Variants in KDM5B observed in about 807,000 individuals in gnomAD.
KDM5B encodes the protein lysine-specific demethylase 5B.
A neutral mutation model predicts 193.4 loss-of-function variants in KDM5B; 144 were observed. The observed-to-expected ratio is 0.74, with a 90% CI of 0.65 to 0.86. The LOEUF (loss-of-function observed/expected upper bound fraction) is 0.86, where lower values mean the gene tolerates loss of function less well. Ranked by LOEUF, KDM5B falls within the 40% of genes least tolerant of loss-of-function variation. The pLI is 0.00. For missense variants in KDM5B, 1,833 were observed against 1,886.9 expected, an observed-to-expected ratio of 0.97 and a Z score of 0.53; for synonymous variants, 668 against 682.6, an observed-to-expected ratio of 0.98 and a Z score of 0.33.
chr1:202,736,646 T>G (rs1156296670), intron 20 of KDM5B, among the ~76,000 whole-genome samples: 4 of 151,772 alleles, frequency 2.6e-5, no homozygotes, highest in Admixed American at 6.6e-5. Flanking sequence ...TAGTGTTGTT[T>G]TTTTTTTCTT....
At chr1:202,781,366 C>T (rs183774218) in intron 1 of KDM5B, among the ~76,000 whole-genome samples, 12 of 152,154 alleles carry the variant, frequency 7.9e-5, no homozygotes, top group African/African-American at 2.4e-4. Flanking sequence ...TAAAAATGCC[C>T]GCCGGTGATG....
At chr1:202,734,895 C>A (rs1655038400) in intron 22 of KDM5B, among the ~76,000 whole-genome samples, 1 of 152,164 alleles carries the variant, frequency 6.6e-6, no homozygotes, top group African/African-American at 2.4e-5. Context: ...ATGCTTTGTG[C>A]CATTAAAAGC....
chr1:202,803,385 G>A (rs912815331), intron 1 of KDM5B, among the ~76,000 whole-genome samples: 3 of 152,086 alleles, frequency 2.0e-5, no homozygotes, highest in Non-Finnish European at 4.4e-5. Flanking sequence ...AAGTCTACAC[G>A]TTTTGTTTAT....
intron 14 of KDM5B, among the ~76,000 whole-genome samples, chr1:202,747,109 T>G (rs1486793700): frequency 4.6e-5 from 7 of 152,202 alleles, no homozygotes; most frequent in Admixed American, 2.0e-4. Flanking sequence ...CTACTGGGCT[T>G]CTTTCTTTTA....
chr1:202,737,252 C>G (rs1319123101), intron 20 of KDM5B, among the ~76,000 whole-genome samples: 1 of 152,156 alleles, frequency 6.6e-6, no homozygotes, highest in Non-Finnish European at 1.5e-5. Context: ...CTAACTTTAC[C>G]ATGTATAAGA....
At chr1:202,773,395 A>T in intron 3 of KDM5B, 107 bp from the exon 4 acceptor site, 1 of 876,804 alleles carries the variant, frequency 1.1e-6, no homozygotes, top group Non-Finnish European at 1.8e-6. Flanking sequence ...TCTTTTAAAA[A>T]CATGTTTTGC....
intron 6 of KDM5B, 140 bp from the exon 7 acceptor site, chr1:202,762,948 T>C: frequency 1.7e-6 from 1 of 599,702 alleles, no homozygotes; most frequent in Non-Finnish European, 3.0e-6. Flanking sequence ...CCCAGTATAC[T>C]TTATTCAAGG....
At chr1:202,765,046 G>A (rs1163267060) in intron 5 of KDM5B, among the ~76,000 whole-genome samples, 1 of 152,126 alleles carries the variant, frequency 6.6e-6, no homozygotes, top group African/African-American at 2.4e-5. Context: ...GAAGGTTCTT[G>A]GTTCTTATCT....
At chr1:202,732,002 CA>C in intron 23 of KDM5B, 63 bp from the exon 24 acceptor site, 1 of 911,146 alleles carries the variant, frequency 1.1e-6, no homozygotes, top group South Asian at 1.4e-5. Context: ...CCCATTAGTC[CA>C]ATGACAGTAG....
intron 1 of KDM5B, among the ~76,000 whole-genome samples, chr1:202,790,205 G>A (rs1418604940): frequency 2.6e-5 from 4 of 151,716 alleles, no homozygotes; most frequent in African/African-American, 9.7e-5. Flanking sequence ...AAAGGTTGCG[G>A]TAAGCCGAGA....
At chr1:202,749,523 C>T (rs1166426580) in intron 13 of KDM5B, among the ~76,000 whole-genome samples, 1 of 152,154 alleles carries the variant, frequency 6.6e-6, no homozygotes, top group East Asian at 1.9e-4. Context: ...CACCACTGCA[C>T]TCCAGCCTGG....
At position 202,774,696 on chromosome 1, in the gene KDM5B, C is replaced by T; in HGVS notation, c.322G>A (p.Ala108Thr). The T allele has an allele frequency of 6.2e-7, 1 of 1,612,860 alleles. No homozygotes were observed. ...CTTCCCTGTAACTCCCAGTACTTTGCAATCTGGTCCAAGAAATTCAATTTT... is the reference window on the plus strand; with the variant it reads ...CTTCCCTGTAACTCCCAGTACTTTGTAATCTGGTCCAAGAAATTCAATTTT... ...RVKLNFLDQI[A>T]KYWELQGSTL... The change falls in exon 3 of 27, where the codon GCA (alanine) becomes ACA (threonine). Residue 108 changes from alanine to threonine, a missense_variant. Physicochemically the swap from Ala to Thr is moderately conservative, Grantham distance 58 (BLOSUM62 0). Coordinates refer to ENST00000367265, the MANE Select transcript of KDM5B (RefSeq NM_006618.5).
Position 202,764,560 on chromosome 1 carries a change from G to A in KDM5B, c.712-415C>T, listed in dbSNP as rs575370444. 2.2e-4 allele frequency among the ~76,000 whole-genome samples: 33 copies of A among 152,022 alleles called. No individual in the cohort carries two copies. In the South Asian group the frequency reaches 2.5e-3, roughly 11 times the overall value. ...TGAGGCAGGAGAATCGCTTGAACCT[G>A]GGAGATGGAGGCTGCAGTGAGCTGA... On this transcript the variant is annotated intron_variant, in intron 5 of 26. Coordinates refer to ENST00000367265, the MANE Select transcript of KDM5B (RefSeq NM_006618.5).
Position 202,774,679 on chromosome 1 carries a change from T to TG in KDM5B, c.338_339insC (p.Leu113PhefsTer22). 1 of 1,612,362 alleles carries TG rather than the reference T, an allele frequency of 6.2e-7. No homozygotes were observed. The highest frequency in any genetic ancestry group is 8.5e-7 in the Non-Finnish European group (1 of 1,178,350). Reference sequence around the variant, plus strand: ...GTGGAATTTTCAGAGTACTTCCCTGTAACTCCCAGTACTTTGCAATCTGGT... The same window carrying TG: ...GTGGAATTTTCAGAGTACTTCCCTGTGAACTCCCAGTACTTTGCAATCTGGT... On this transcript the variant is annotated frameshift_variant, in exon 3 of 27. Transcript: ENST00000367265. LOFTEE classifies it high-confidence loss of function.
rs1654621277 is a variant in KDM5B at position 202,724,801 on chromosome 1, A to T, written c.*4235T>A. The T allele has an allele frequency of 6.6e-6, 1 of 152,200 alleles. No individual in the cohort carries two copies. Among genetic ancestry groups the T allele is most frequent in the Non-Finnish European group, 1.5e-5 (1 of 68,036 alleles). The allele number at this position is 152,200 out of a possible 1,614,324, so 9.4% of individuals were successfully genotyped here. A position where few individuals can be genotyped will look rare whatever the true frequency, so the allele number is the denominator to read the frequency against. On this transcript the variant is annotated 3_prime_UTR_variant, in exon 27 of 27. Transcript: ENST00000367265. Reference sequence around the variant, plus strand: ...CACAGTCAGTGAGAACGTATTGGCAAGGGCAGAAAGGAAGCATGGTTTGAA... The same window carrying T: ...CACAGTCAGTGAGAACGTATTGGCATGGGCAGAAAGGAAGCATGGTTTGAA...
intron 1 of KDM5B, among the ~76,000 whole-genome samples, chr1:202,779,681 T>C (rs758038279): frequency 1.3e-4 from 19 of 151,794 alleles, no homozygotes; most frequent in Non-Finnish European, 2.5e-4. Flanking sequence ...CACATGCCTG[T>C]AGTCCCAGCT....
Position 202,781,987 on chromosome 1 carries a change from C to T in KDM5B, c.205-4893G>A, listed in dbSNP as rs186624146. On this transcript the variant is annotated intron_variant, in intron 1 of 26. Coordinates refer to ENST00000367265, the MANE Select transcript of KDM5B (RefSeq NM_006618.5). ...TTAAAGTTTTACAAATTAAAATGAG[C>T]TTCTATGTATGAATATATACACAAT... 1.7e-4 allele frequency among the ~76,000 whole-genome samples: 23 copies of T among 133,674 alleles called. No individual in the cohort carries two copies. The Admixed American group carries it at 1.8e-3, about 11-fold the overall frequency. 87.7% of individuals were successfully genotyped at this position (133,674 alleles called of 152,430 possible).
At chr1:202,736,414 C>T in intron 20 of KDM5B, 22 bp from the exon 21 acceptor site, 1 of 1,516,850 alleles carries the variant, frequency 6.6e-7, no homozygotes, top group Non-Finnish European at 8.9e-7. Flanking sequence ...AGAAAAATTA[C>T]AGCAGTTTAG....
At chr1:202,798,151 A>G (rs760915217) in intron 1 of KDM5B, among the ~76,000 whole-genome samples, 16 of 152,202 alleles carry the variant, frequency 1.1e-4, no homozygotes, top group Non-Finnish European at 1.9e-4. Flanking sequence ...GTGAGCCAAG[A>G]TCACATCATG....
Sources: allele counts gnomAD v4.1 joint callset (sites outside exome capture counted in the v4.1 genomes callset), GRCh38; gene constraint gnomAD v4.1.1; transcripts MANE v1.5; gene names NCBI Gene and HGNC (gene_info 2026-07-23, HGNC 2026-07-21).